DGUOK: variants seen among roughly 807,000 people sequenced by gnomAD.
DGUOK encodes deoxyguanosine kinase, mitochondrial.
DGUOK carries 30 observed loss-of-function variants against 36.6 expected under a neutral mutation model. The observed-to-expected ratio is 0.82, with a 90% CI of 0.61 to 1.11. The LOEUF (loss-of-function observed/expected upper bound fraction) is 1.11, where lower values mean the gene tolerates loss of function less well. DGUOK is among the 50% of genes most tolerant of loss of function. The pLI, the probability that DGUOK is intolerant of heterozygous loss-of-function variation, is 0.00. For synonymous variants in DGUOK, 145 were observed against 126.3 expected (o/e 1.15, Z -0.99); for missense variants, 361 against 336.4 (o/e 1.07, Z -0.57).
chr2:73,940,727 T>A (rs1681837109), intron 2 of DGUOK, among the ~76,000 whole-genome samples: 1 of 152,210 alleles, frequency 6.6e-6, no homozygotes, highest in Non-Finnish European at 1.5e-5. Flanking sequence ...ACACAAATAC[T>A]TACCATTGTG....
At chr2:73,939,240 T>C (rs1310108515) in intron 2 of DGUOK, among the ~76,000 whole-genome samples, 1 of 152,250 alleles carries the variant, frequency 6.6e-6, no homozygotes, top group African/African-American at 2.4e-5. Flanking sequence ...TCTAAGTGAC[T>C]GCCTCTGTTG....
rs368033322 is a variant in DGUOK, at chr2:73,946,740, G to C, written c.277G>C (p.Gly93Arg). 6.2e-7 allele frequency: 1 copy of C among 1,613,974 alleles called. No individual in the cohort carries two copies. Among genetic ancestry groups the C allele is most frequent in the Non-Finnish European group, 8.5e-7 (1 of 1,180,012 alleles). Residue 93 changes from glycine to arginine, a missense_variant, in exon 3 of 7, where the codon GGA becomes CGA. Physicochemically the swap from Gly to Arg is moderately radical, Grantham distance 125. Coordinates refer to ENST00000264093, the MANE Select transcript of DGUOK (RefSeq NM_080916.3). ...TQKACTAQSLGNLLDMMYREP... is the reference protein window; with the variant it reads ...TQKACTAQSLRNLLDMMYREP... ...CTAGGCCTGCACTGCCCAAAGTCTTGGAAACTTGCTGGATATGATGTACCG... is the reference window on the plus strand; with the variant it reads ...CTAGGCCTGCACTGCCCAAAGTCTTCGAAACTTGCTGGATATGATGTACCG...
At chr2:73,940,990 T>C (rs1290141703) in intron 2 of DGUOK, among the ~76,000 whole-genome samples, 1 of 152,260 alleles carries the variant, frequency 6.6e-6, no homozygotes, top group Non-Finnish European at 1.5e-5. Context: ...AAGTAGAGCG[T>C]AATTCTTGCC....
intron 1 of DGUOK, among the ~76,000 whole-genome samples, chr2:73,934,991 G>T (rs62151970): frequency 0.13 from 19,976 of 150,208 alleles, 1,614 homozygotes; most frequent in Middle Eastern, 0.18. Context: ...CAGGAGAATC[G>T]CTTGAACCCA....
At position 73,958,840 on chromosome 2, in the gene DGUOK, C is replaced by T. The variant is rs1683332557; in HGVS notation, c.*104C>T. On this transcript the variant is annotated 3_prime_UTR_variant, in exon 7 of 7. Transcript: ENST00000264093. Reference sequence around the variant, plus strand: ...CTTTCCATCCCCAGCCCCTCTCATCCCTGGAGCACTCTGCCGCTCAAGAGC... The same window carrying T: ...CTTTCCATCCCCAGCCCCTCTCATCTCTGGAGCACTCTGCCGCTCAAGAGC... The T allele has an allele frequency of 1.0e-6, 1 of 955,340 alleles. No homozygotes were observed. The highest frequency in any genetic ancestry group is 2.4e-5 in the East Asian group (1 of 41,688). The allele number at this position is 955,340 out of a possible 1,614,324, so 59.2% of individuals were successfully genotyped here.
At chr2:73,957,355 T>C (rs777195196) in intron 5 of DGUOK, 115 bp downstream of exon 5, 5 of 790,564 alleles carry the variant, frequency 6.3e-6, no homozygotes, top group African/African-American at 1.7e-5. Flanking sequence ...ATACTGGAAA[T>C]GGTTGGAAAT....
rs80280913 is a variant in DGUOK, at chr2:73,951,691, G to A, written c.591+959G>A. Among the ~76,000 whole-genome samples the A allele has an allele frequency of 4.8e-3, 732 of 152,258 alleles. 6 individuals are homozygous for A. Among genetic ancestry groups the A allele is most frequent in the African/African-American group, 0.017 (705 of 41,554 alleles). On this transcript the variant is annotated intron_variant, in intron 4 of 6. Coordinates refer to ENST00000264093, the MANE Select transcript of DGUOK (RefSeq NM_080916.3). Reference sequence around the variant, plus strand: ...ATCACAGAGCCTCACACCAGCCAACGAGGAGAGGACTGGAAGGAAGGGTCT... The same window carrying A: ...ATCACAGAGCCTCACACCAGCCAACAAGGAGAGGACTGGAAGGAAGGGTCT...
chr2:73,946,571 C>A, intron 2 of DGUOK, 148 bp from the exon 3 acceptor site: 1 of 762,804 alleles, frequency 1.3e-6, no homozygotes. Context: ...TCTGATTCTA[C>A]CTTTTTGGTG....
chr2:73,953,621 A>G (rs1035258695), intron 4 of DGUOK, among the ~76,000 whole-genome samples: 2 of 151,832 alleles, frequency 1.3e-5, no homozygotes, highest in African/African-American at 4.8e-5. Context: ...CAAGTGCCCA[A>G]TCTTCCAGTT....
chr2:73,941,840 G>A (rs944136623), intron 2 of DGUOK, among the ~76,000 whole-genome samples: 15 of 150,212 alleles, frequency 1.0e-4, no homozygotes, highest in Non-Finnish European at 1.8e-4. Context: ...TCATCTTTGT[G>A]TAATGGCTTC....
chr2:73,958,674 T>C (rs763427378), intron 6 of DGUOK, 36 bp from the exon 7 acceptor site: 1 of 1,589,324 alleles, frequency 6.3e-7, no homozygotes, highest in Admixed American at 1.7e-5. Flanking sequence ...CTGTTAAAAA[T>C]GTGAAATTAA....
intron 4 of DGUOK, among the ~76,000 whole-genome samples, chr2:73,951,976 A>G (rs893588104): frequency 1.3e-5 from 2 of 152,150 alleles, no homozygotes; most frequent in Admixed American, 6.5e-5. Context: ...CAAGACCAGC[A>G]TAGGCGATAT....
chr2:73,932,644 C>A, intron 1 of DGUOK: 2 of 1,296,318 alleles, frequency 1.5e-6, no homozygotes, highest in Non-Finnish European at 2.0e-6. Context: ...TTCAGGAAAC[C>A]TGAACAGGGA....
chr2:73,958,625 C>A, intron 6 of DGUOK, 85 bp from the exon 7 acceptor site: 1 of 1,180,210 alleles, frequency 8.5e-7, no homozygotes. Flanking sequence ...ACCTCATGGG[C>A]TTGGCTGCAT....
intron 2 of DGUOK, among the ~76,000 whole-genome samples, chr2:73,943,428 T>C (rs913694136): frequency 1.3e-5 from 2 of 151,568 alleles, no homozygotes; most frequent in African/African-American, 2.4e-5. Flanking sequence ...TCCCAAGGTG[T>C]TGGGACCACA....
At chr2:73,952,810 G>C (rs1445917117) in intron 4 of DGUOK, among the ~76,000 whole-genome samples, 2 of 152,162 alleles carry the variant, frequency 1.3e-5, no homozygotes, top group African/African-American at 4.8e-5. Flanking sequence ...ACCCAGCAAG[G>C]AGAACAAGAA....
rs775274523 is a variant in DGUOK at position 73,926,924 on chromosome 2, G to A, written c.14G>A (p.Arg5His). The change falls in exon 1 of 7, where the codon CGC (arginine) becomes CAC (histidine). Residue 5 changes from arginine (R) to histidine (H), a missense_variant. Physicochemically the swap from Arg to His is conservative, Grantham distance 29. Coordinates refer to ENST00000264093, the MANE Select transcript of DGUOK (RefSeq NM_080916.3). ...ATCGTGGGTGGGATGGCCGCGGGCC[G>A]CCTCTTTCTAAGTCGGCTTCGAGCA... MAAGRLFLSRLRAPF... is the reference protein window; with the variant it reads MAAGHLFLSRLRAPF... 1.2e-6 allele frequency: 2 copies of A among 1,613,398 alleles called. No individual in the cohort carries two copies. The highest frequency in any genetic ancestry group is 8.5e-7 in the Non-Finnish European group (1 of 1,180,012).
chr2:73,956,120 C>CT (rs1244523490), intron 4 of DGUOK, among the ~76,000 whole-genome samples: 1 of 152,120 alleles, frequency 6.6e-6, no homozygotes, highest in Non-Finnish European at 1.5e-5. Flanking sequence ...GGAGGGGTAG[C>CT]TTTGTGTGAC....
At chr2:73,948,681 A>C (rs1171920704) in intron 3 of DGUOK, among the ~76,000 whole-genome samples, 1 of 152,200 alleles carries the variant, frequency 6.6e-6, no homozygotes, top group East Asian at 1.9e-4. Context: ...TATAGCGAGG[A>C]AGAAATCTTA....
Sources: allele counts gnomAD v4.1 joint callset (sites outside exome capture counted in the v4.1 genomes callset), GRCh38; gene constraint gnomAD v4.1.1; transcripts MANE v1.5; gene names NCBI Gene and HGNC (gene_info 2026-07-23, HGNC 2026-07-21).